Variants in NBEA observed in about 807,000 individuals in gnomAD.
NBEA encodes the protein lysosomal-trafficking regulator 2.
NBEA carries 44 observed loss-of-function variants against 343.4 expected under a neutral mutation model. That is an observed-to-expected ratio of 0.13 (90% CI 0.10 to 0.16). The LOEUF (loss-of-function observed/expected upper bound fraction) is 0.16. NBEA is among the 10% of genes least tolerant of loss of function. The pLI, the probability that NBEA is intolerant of heterozygous loss-of-function variation, is 1.00. For synonymous variants in NBEA, 1,175 were observed against 1,238.7 expected, an observed-to-expected ratio of 0.95 and a Z score of 1.08; for missense variants, 2,555 against 3,631.3, an observed-to-expected ratio of 0.70 and a Z score of 7.62.
At chr13:35,614,090 C>T (rs570532161) in intron 48 of NBEA, among the ~76,000 whole-genome samples, 4 of 152,098 alleles carry the variant, frequency 2.6e-5, no homozygotes, top group Non-Finnish European at 2.9e-5. Context: ...TTGCATTTTT[C>T]TGATGATTAG....
At chr13:35,055,372 C>G (rs1475732914) in intron 6 of NBEA, among the ~76,000 whole-genome samples, 2 of 151,600 alleles carry the variant, frequency 1.3e-5, no homozygotes, top group Non-Finnish European at 2.9e-5. Context: ...AATATGAACT[C>G]TTTCATTTAT....
intron 36 of NBEA, among the ~76,000 whole-genome samples, chr13:35,312,266 G>T (rs2037420369): frequency 6.6e-6 from 1 of 152,090 alleles, no homozygotes; most frequent in Admixed American, 6.6e-5. Flanking sequence ...TCCACTGAGT[G>T]GTGGGATTAT....
At chr13:35,347,297 A>G (rs987409574) in intron 36 of NBEA, among the ~76,000 whole-genome samples, 3 of 152,212 alleles carry the variant, frequency 2.0e-5, no homozygotes, top group Middle Eastern at 3.4e-3. Context: ...ATTTATATTT[A>G]TGAAAACTTG....
intron 38 of NBEA, among the ~76,000 whole-genome samples, chr13:35,394,764 C>G (rs557913346): frequency 2.6e-5 from 4 of 152,134 alleles, no homozygotes; most frequent in Non-Finnish European, 5.9e-5. Context: ...TTCTCTCATC[C>G]TTATTATTTT....
intron 2 of NBEA, among the ~76,000 whole-genome samples, chr13:35,044,009 C>G (rs1037338564): frequency 6.6e-6 from 1 of 151,986 alleles, no homozygotes; most frequent in African/African-American, 2.4e-5. Flanking sequence ...TGTTCAATTT[C>G]TTGCAAAGAA....
At chr13:35,653,170 C>G (rs747920371) in intron 53 of NBEA, among the ~76,000 whole-genome samples, 1 of 152,050 alleles carries the variant, frequency 6.6e-6, no homozygotes, top group Non-Finnish European at 1.5e-5. Flanking sequence ...CTTAGTCTTT[C>G]GAGGCCCTTC....
At chr13:34,959,563 A>T (rs533392830) in intron 1 of NBEA, among the ~76,000 whole-genome samples, 2 of 152,272 alleles carry the variant, frequency 1.3e-5, no homozygotes, top group Non-Finnish European at 2.9e-5. Context: ...TTTTAGGGTG[A>T]CTGACATACT....
intron 38 of NBEA, among the ~76,000 whole-genome samples, chr13:35,381,107 T>C (rs1261325997): frequency 6.6e-6 from 1 of 152,168 alleles, no homozygotes; most frequent in Non-Finnish European, 1.5e-5. Context: ...TATCAAAAGG[T>C]AATTATTAAA....
intron 58 of NBEA, among the ~76,000 whole-genome samples, chr13:35,668,944 C>T (rs990770241): frequency 1.3e-5 from 2 of 152,188 alleles, no homozygotes; most frequent in Admixed American, 1.3e-4. Context: ...TAGTGTGGGC[C>T]GTAGCTGGCC....
At chr13:35,098,069 C>G (rs542268811) in intron 10 of NBEA, among the ~76,000 whole-genome samples, 1 of 152,036 alleles carries the variant, frequency 6.6e-6, no homozygotes, top group Non-Finnish European at 1.5e-5. Flanking sequence ...AAAAACTACA[C>G]AGTTATGATT....
chr13:34,980,636 A>C (rs1401704042), intron 1 of NBEA, among the ~76,000 whole-genome samples: 2 of 151,916 alleles, frequency 1.3e-5, no homozygotes, highest in South Asian at 4.2e-4. Context: ...TATTTAATAC[A>C]GTGTTGAATG....
chr13:35,470,283 G>GAT (rs1254747093), intron 40 of NBEA, among the ~76,000 whole-genome samples: 2 of 152,136 alleles, frequency 1.3e-5, no homozygotes, highest in Non-Finnish European at 2.9e-5. Flanking sequence ...AAGTAGAGAA[G>GAT]ATATGCTCCC....
chr13:35,110,285 G>A (rs924623803), intron 12 of NBEA, among the ~76,000 whole-genome samples: 3 of 140,742 alleles, frequency 2.1e-5, no homozygotes, highest in African/African-American at 8.0e-5. Flanking sequence ...TTTTAACCAA[G>A]GTGTCTGACA....
rs374232382 is a variant in NBEA at position 35,167,624 on chromosome 13, T to C, written c.4234-1363T>C. Among the ~76,000 whole-genome samples, 28 of 151,952 alleles carry C rather than the reference T, an allele frequency of 1.8e-4. 1 individual carries two copies. In the South Asian group the frequency reaches 5.6e-3, roughly 30 times the overall value. ...CGAGTTAGACCAATAGTTTTAACTG[T>C]ACTCAGGGAAAAAAAATAGACCTCT... On this transcript the variant is annotated intron_variant, in intron 24 of 58. Coordinates refer to ENST00000379939, the MANE Select transcript of NBEA (RefSeq NM_001385012.1).
intron 41 of NBEA, among the ~76,000 whole-genome samples, chr13:35,494,895 A>G (rs1220100128): frequency 6.6e-6 from 1 of 151,876 alleles, no homozygotes; most frequent in Non-Finnish European, 1.5e-5. Flanking sequence ...CTGTAGTCCC[A>G]GATACTGAGG....
chr13:35,138,012 A>G (rs2067839496), intron 17 of NBEA, among the ~76,000 whole-genome samples: 1 of 152,128 alleles, frequency 6.6e-6, no homozygotes, highest in Admixed American at 6.5e-5. Flanking sequence ...TCCTGATATT[A>G]TTAGGAATCT....
intron 1 of NBEA, among the ~76,000 whole-genome samples, chr13:34,960,395 A>C (rs986070470): frequency 1.3e-5 from 2 of 152,118 alleles, no homozygotes; most frequent in African/African-American, 4.8e-5. Context: ...AGTTTACTTT[A>C]ATATTAAAGA....
intron 41 of NBEA, among the ~76,000 whole-genome samples, chr13:35,481,554 A>G (rs2076121848): frequency 6.6e-6 from 1 of 151,902 alleles, no homozygotes; most frequent in Non-Finnish European, 1.5e-5. Flanking sequence ...TTTAAGGACA[A>G]TGAAGTTAGT....
intron 41 of NBEA, among the ~76,000 whole-genome samples, chr13:35,521,984 G>A (rs904550492): frequency 5.3e-5 from 8 of 152,146 alleles, no homozygotes; most frequent in African/African-American, 1.9e-4. Context: ...CCCATCAACA[G>A]GGAGTCAGAC....
Sources: allele counts gnomAD v4.1 joint callset (sites outside exome capture counted in the v4.1 genomes callset), GRCh38; gene constraint gnomAD v4.1.1; transcripts MANE v1.5; gene names NCBI Gene and HGNC (gene_info 2026-07-23, HGNC 2026-07-21).